Variants in NAB1 observed in about 807,000 individuals in gnomAD.
NAB1 encodes NGFI-A-binding protein 1.
In NAB1, 25 loss-of-function variants were observed where a neutral mutation model predicts 49.9. That is an observed-to-expected ratio of 0.50 (90% CI 0.37 to 0.70). The LOEUF (loss-of-function observed/expected upper bound fraction) is 0.70. Among genes scored for constraint, NAB1 ranks in the 30% least tolerant of loss-of-function variants. NAB1 has a pLI of 0.00. For synonymous variants in NAB1, 198 were observed against 215.6 expected (o/e 0.92, Z 0.71); for missense variants, 489 against 575.9 (o/e 0.85, Z 1.54).
Position 190,674,078 on chromosome 2 carries a change from A to G in NAB1, c.1005+926A>G, listed in dbSNP as rs1156364131. Among the ~76,000 whole-genome samples the G allele has an allele frequency of 6.6e-6, 1 of 152,222 alleles. No individual in the cohort carries two copies. The highest frequency in any genetic ancestry group is 1.5e-5 in the Non-Finnish European group (1 of 68,036). Reference sequence around the variant, plus strand: ...ATCTACAGAGTATCTATATGGCAGTAATCCTTTATTCATATCAAAGCCAGA... The same window carrying G: ...ATCTACAGAGTATCTATATGGCAGTGATCCTTTATTCATATCAAAGCCAGA... On this transcript the variant is annotated intron_variant, in intron 6 of 9. Transcript: ENST00000337386. The surrounding 1 kb of genome is among the most constrained non-coding windows in gnomAD (Gnocchi z 5.7).
intron 5 of NAB1, 88 bp from the exon 6 acceptor site, chr2:190,673,013 G>T: frequency 1.8e-6 from 2 of 1,138,872 alleles, no homozygotes; most frequent in Non-Finnish European, 2.6e-6. Flanking sequence ...TATATGTTTT[G>T]GTGGAAGGTT....
rs1559219136 is a variant in NAB1 at position 190,649,749 on chromosome 2, T to C, written c.-333-97T>C. On this transcript the variant is annotated intron_variant, in intron 1 of 9. Coordinates refer to ENST00000337386, the MANE Select transcript of NAB1 (RefSeq NM_005966.4). The surrounding 1 kb of genome is among the most constrained non-coding windows in gnomAD (Gnocchi z 6.1). ...TTTGCAGCCACCTTCGTCAGGGCAGTCTTTTTGTTTGTTTACTTTATAAAA... is the reference window on the plus strand; with the variant it reads ...TTTGCAGCCACCTTCGTCAGGGCAGCCTTTTTGTTTGTTTACTTTATAAAA... The C allele has an allele frequency of 6.6e-6, 1 of 152,238 alleles. No individual in the cohort carries two copies. Among genetic ancestry groups the C allele is most frequent in the Non-Finnish European group, 1.5e-5 (1 of 68,090 alleles). 9.4% of individuals were successfully genotyped at this position (152,238 alleles called of 1,614,324 possible). A position where few individuals can be genotyped will look rare whatever the true frequency, so the allele number is the denominator to read the frequency against.
In NAB1 at chr2:190,692,391, T is replaced by C. The variant is rs1255911949; in HGVS notation, c.*2058T>C. On this transcript the variant is annotated 3_prime_UTR_variant, in exon 10 of 10. Coordinates refer to ENST00000337386, the MANE Select transcript of NAB1 (RefSeq NM_005966.4). The surrounding 1 kb of genome is among the most constrained non-coding windows in gnomAD (Gnocchi z 5.2). ...AATAAGTTTCCTTAACTATCTTATGTTTCTAGTCTTTCAAGCTTAGTGATA... is the reference window on the plus strand; with the variant it reads ...AATAAGTTTCCTTAACTATCTTATGCTTCTAGTCTTTCAAGCTTAGTGATA... The C allele has an allele frequency of 2.0e-5, 3 of 152,772 alleles. No homozygotes were observed. Among genetic ancestry groups the C allele is most frequent in the Non-Finnish European group, 4.4e-5 (3 of 68,026 alleles). 9.5% of individuals were successfully genotyped at this position (152,772 alleles called of 1,614,324 possible). A position where few individuals can be genotyped will look rare whatever the true frequency, so the allele number is the denominator to read the frequency against.
chr2:190,673,236 A>G (rs1694908555), intron 6 of NAB1, 84 bp downstream of exon 6: 1 of 1,271,732 alleles, frequency 7.9e-7, no homozygotes, highest in Admixed American at 1.7e-5. Flanking sequence ...AGTTCAGACA[A>G]AAAAGATGGT....
At position 190,667,780 on chromosome 2, in the gene NAB1, T is replaced by A. The variant is rs2125698228; in HGVS notation, c.820-2546T>A. ...CATAACACATTCTAGATGGTTTAAA[T>A]ACTTAGGTGGGAAAAGTAAAACGAT... On this transcript the variant is annotated intron_variant, in intron 4 of 9. Transcript: ENST00000337386. The surrounding 1 kb of genome is among the most constrained non-coding windows in gnomAD (Gnocchi z 4.4). Among the ~76,000 whole-genome samples, 1 of 152,268 alleles carries A rather than the reference T, an allele frequency of 6.6e-6. No individual in the cohort carries two copies. The highest frequency in any genetic ancestry group is 1.9e-4 in the East Asian group (1 of 5,192).
Position 190,651,232 on chromosome 2 carries a change from T to TA in NAB1, c.-197+1256dup. Among the ~76,000 whole-genome samples, 1 of 152,142 alleles carries TA rather than the reference T, an allele frequency of 6.6e-6. No homozygotes were observed. The highest frequency in any genetic ancestry group is 1.9e-4 in the East Asian group (1 of 5,190). On this transcript the variant is annotated intron_variant, in intron 2 of 9. Coordinates refer to ENST00000337386, the MANE Select transcript of NAB1 (RefSeq NM_005966.4). This position sits in a 1 kb window ranked among gnomAD's most constrained non-coding sequence, Gnocchi z 4.3. ...TGTCTAGTAAATAACTTGATCTATC[T>TA]AAAAAATACTTTATCTCATCTTATT...
rs199763899 is a variant in NAB1 at position 190,685,608 on chromosome 2, G to A, written c.1228G>A (p.Gly410Ser). The A allele has an allele frequency of 1.1e-5, 17 of 1,611,104 alleles. No homozygotes were observed. In the Admixed American group the frequency reaches 1.4e-4, roughly 13 times the overall value. Reference protein sequence around the residue: ...RQSSEEHSPNGLTSDNSDGQG... With the variant: ...RQSSEEHSPNSLTSDNSDGQG... ...GAGCTCAGAAGAGCACAGTCCTAACGGCTTGACTTCCGATAACTCAGATGG... is the reference window on the plus strand; with the variant it reads ...GAGCTCAGAAGAGCACAGTCCTAACAGCTTGACTTCCGATAACTCAGATGG... Residue 410 changes from glycine (G) to serine (S), a missense_variant, in exon 8 of 10, where the codon GGC (glycine) becomes AGC (serine). By Grantham distance (56) the Gly-to-Ser change is moderately conservative. Transcript: ENST00000337386. The surrounding 1 kb of genome is among the most constrained non-coding windows in gnomAD (Gnocchi z 4.5).
chr2:190,659,488 A>C lies in NAB1; in HGVS notation c.312A>C (p.Pro104=), dbSNP rs777852490. 5.0e-6 allele frequency: 8 copies of C among 1,614,112 alleles called. No individual in the cohort carries two copies. Among genetic ancestry groups the C allele is most frequent in the Admixed American group, 1.7e-5 (1 of 60,016 alleles). ...TCTATAAATTACCAGAGGGATCACC[A>C]ACATGGCTGGGAATATCCTGCAGTA... ...IPIYKLPEGS[P]TWLGISCSSY... is the part of the protein sequence containing the mutation. The change falls in exon 4 of 10, where the codon CCA becomes CCC. Residue 104 remains proline, a synonymous_variant. Coordinates refer to ENST00000337386, the MANE Select transcript of NAB1 (RefSeq NM_005966.4). This position sits in a 1 kb window ranked among gnomAD's most constrained non-coding sequence, Gnocchi z 6.2.
chr2:190,673,056 T>G (rs1694895039), intron 5 of NAB1, 45 bp from the exon 6 acceptor site: 1 of 1,577,158 alleles, frequency 6.3e-7, no homozygotes. Context: ...TAAAATCAGT[T>G]ACTTTCTCAA....
chr2:190,663,398 G>A lies in NAB1; in HGVS notation c.819+3403G>A, dbSNP rs1476059796. 1.3e-5 allele frequency among the ~76,000 whole-genome samples: 2 copies of A among 152,146 alleles called. No individual in the cohort carries two copies. The highest frequency in any genetic ancestry group is 2.4e-5 in the African/African-American group (1 of 41,426). On this transcript the variant is annotated intron_variant, in intron 4 of 9. Transcript: ENST00000337386. This position sits in a 1 kb window ranked among gnomAD's most constrained non-coding sequence, Gnocchi z 4.2. The stretch of plus-strand genomic sequence containing the variant: ...TAGAGATCTGCAAACTAGGGTCTGT[G>A]TGCCCAGTCTCACTCACCTCCTGTT...
intron 9 of NAB1, among the ~76,000 whole-genome samples, chr2:190,688,124 G>C (rs1408960691): frequency 2.6e-5 from 4 of 152,178 alleles, no homozygotes; most frequent in Admixed American, 2.6e-4. Context: ...TCAAGTCTTT[G>C]AGTTAAAGTA....
intron 4 of NAB1, among the ~76,000 whole-genome samples, chr2:190,660,268 G>A (rs911726547): frequency 3.9e-5 from 6 of 152,170 alleles, no homozygotes; most frequent in Non-Finnish European, 8.8e-5. Flanking sequence ...CAGTGAAAGC[G>A]TAAAGTCTTT....
chr2:190,690,023 T>TGTATAGTATACATATATGTATA lies in NAB1; in HGVS notation c.1376-217_1376-216insGTATACATATATGTATAGTATA, dbSNP rs1253638476. Among the ~76,000 whole-genome samples, 5 of 146,730 alleles carry TGTATAGTATACATATATGTATA rather than the reference T, an allele frequency of 3.4e-5. 1 individual carries two copies. In the East Asian group the frequency reaches 1.0e-3, roughly 29 times the overall value. Reference sequence around the variant, plus strand: ...AGAGATGTATACATCTATACATATATGTATACTATATGTATACATCTAGTA... The same window carrying TGTATAGTATACATATATGTATA: ...AGAGATGTATACATCTATACATATATGTATAGTATACATATATGTATAGTATACTATATGTATACATCTAGTA... On this transcript the variant is annotated intron_variant, in intron 9 of 9. Transcript: ENST00000337386.
rs1292397256 is a variant in NAB1, at chr2:190,673,132, C to T, written c.985C>T (p.Pro329Ser). The T allele has an allele frequency of 1.9e-6, 3 of 1,610,820 alleles. No homozygotes were observed. The highest frequency in any genetic ancestry group is 2.5e-6 in the Non-Finnish European group (3 of 1,179,064). ...SKCGERDELS[P>S]KRIKVEDGFP... is the part of the protein sequence containing the mutation. ...ATGTGGAGAAAGAGATGAATTATCC[C>T]CAAAGAGAATTAAAGTGGAGGTATG... is the stretch of plus-strand genomic sequence containing the variant. Residue 329 changes from proline to serine, a missense_variant, in exon 6 of 10, where the codon CCA becomes TCA. Physicochemically the swap from Pro to Ser is moderately conservative, Grantham distance 74. This residue lies in a region of NAB1 where 212 missense variants were observed against 199.3 expected (regional missense o/e 1.06). Coordinates refer to ENST00000337386, the MANE Select transcript of NAB1 (RefSeq NM_005966.4).
chr2:190,677,747 A>G lies in NAB1; in HGVS notation c.1005+4595A>G, dbSNP rs956910954. On this transcript the variant is annotated intron_variant, in intron 6 of 9. Transcript: ENST00000337386. This position sits in a 1 kb window ranked among gnomAD's most constrained non-coding sequence, Gnocchi z 5.6. Reference sequence around the variant, plus strand: ...AAGGAGAGACCCAGACAGGCTCAGTATCTTCACCTGTGTTGCCAAACTGCT... The same window carrying G: ...AAGGAGAGACCCAGACAGGCTCAGTGTCTTCACCTGTGTTGCCAAACTGCT... Among the ~76,000 whole-genome samples the G allele has an allele frequency of 2.4e-4, 37 of 152,144 alleles. No individual in the cohort carries two copies. The highest frequency in any genetic ancestry group is 8.4e-4 in the African/African-American group (35 of 41,426).
At position 190,682,261 on chromosome 2, in the gene NAB1, C is replaced by T. The variant is rs367871275; in HGVS notation, c.1006-1477C>T. ...ATTACATGCTGAAGGCATTATCTCA[C>T]TTGCTTTATCTCATTTGGTCCTCAC... is the stretch of plus-strand genomic sequence containing the variant. On this transcript the variant is annotated intron_variant, in intron 6 of 9. Transcript: ENST00000337386. This position sits in a 1 kb window ranked among gnomAD's most constrained non-coding sequence, Gnocchi z 4.1. Among the ~76,000 whole-genome samples the T allele has an allele frequency of 3.0e-4, 45 of 152,282 alleles. No individual in the cohort carries two copies. The highest frequency in any genetic ancestry group is 1.1e-3 in the African/African-American group (44 of 41,556).
chr2:190,671,769 C>CTT (rs1177937369), intron 5 of NAB1, among the ~76,000 whole-genome samples: 7,439 of 71,772 alleles, frequency 0.1, 834 homozygotes, highest in East Asian at 0.28. Context: ...TTCACCTTTC[C>CTT]TTTTTTTTTT....
chr2:190,661,142 G>A (rs1694205532), intron 4 of NAB1, among the ~76,000 whole-genome samples: 1 of 152,088 alleles, frequency 6.6e-6, no homozygotes, highest in South Asian at 2.1e-4. Flanking sequence ...TGTTGCCCAG[G>A]CTGGTCTCAA....
rs533743754 is a variant in NAB1 at position 190,686,396 on chromosome 2, A to G, written c.1258+758A>G. Among the ~76,000 whole-genome samples the G allele has an allele frequency of 6.6e-5, 10 of 152,280 alleles. No homozygotes were observed. The highest frequency in any genetic ancestry group is 2.2e-4 in the African/African-American group (9 of 41,558). On this transcript the variant is annotated intron_variant, in intron 8 of 9. Coordinates refer to ENST00000337386, the MANE Select transcript of NAB1 (RefSeq NM_005966.4). This position sits in a 1 kb window ranked among gnomAD's most constrained non-coding sequence, Gnocchi z 5.5. ...TTATAGTGCCTCCTTTTTATATATT[A>G]TTGTTATACTTTTCTAGAGAGTGGT... is the stretch of plus-strand genomic sequence containing the variant.
Sources: allele counts gnomAD v4.1 joint callset (sites outside exome capture counted in the v4.1 genomes callset), GRCh38; gene constraint gnomAD v4.1.1; regional missense constraint gnomAD v4.1.1; non-coding constraint Gnocchi (gnomAD v3.1); transcripts MANE v1.5; gene names NCBI Gene and HGNC (gene_info 2026-07-23, HGNC 2026-07-21).